The following MSRA variants were observed in gnomAD, a reference collection of about 807,000 sequenced individuals.
The protein encoded by MSRA is mitochondrial peptide methionine sulfoxide reductase.
Under a neutral mutation model 31.3 loss-of-function variants are expected in MSRA, and 54 were observed. That is an observed-to-expected ratio of 1.73 (90% CI 1.39 to 2.17). The LOEUF is 2.17. Ranked by LOEUF, MSRA falls within the 30% of genes most tolerant of loss-of-function variation. The pLI is 0.00. For missense variants in MSRA, 507 were observed against 300.9 expected, an observed-to-expected ratio of 1.69 and a Z score of -5.07; for synonymous variants, 169 against 116.5, an observed-to-expected ratio of 1.45 and a Z score of -2.90.
intron 5 of MSRA, among the ~76,000 whole-genome samples, chr8:10,370,900 C>T (rs949060373): frequency 7.2e-5 from 11 of 152,202 alleles, no homozygotes; most frequent in Admixed American, 2.6e-4. Flanking sequence ...AGAGAAAAGG[C>T]GCCAGCGTTT....
chr8:10,383,297 A>G (rs1211633307), intron 5 of MSRA, among the ~76,000 whole-genome samples: 2 of 152,218 alleles, frequency 1.3e-5, no homozygotes, highest in Non-Finnish European at 1.5e-5. Context: ...TCTGAATGTC[A>G]GCATGCAAAG....
chr8:10,138,271 G>C (rs1563139622), intron 1 of MSRA, among the ~76,000 whole-genome samples: 1 of 152,140 alleles, frequency 6.6e-6, no homozygotes, highest in Non-Finnish European at 1.5e-5. Context: ...TTTCAATAAA[G>C]GTGCTATCTA....
chr8:10,333,948 C>T (rs896500745), intron 5 of MSRA, among the ~76,000 whole-genome samples: 3 of 152,144 alleles, frequency 2.0e-5, no homozygotes, highest in Non-Finnish European at 2.9e-5. Flanking sequence ...AGCATTTTCC[C>T]ATTCTCCAAC....
intron 5 of MSRA, among the ~76,000 whole-genome samples, chr8:10,341,707 G>A (rs554675339): frequency 2.6e-5 from 4 of 152,294 alleles, no homozygotes; most frequent in East Asian, 1.9e-4. Context: ...TCTATAAAAT[G>A]TAGCTAATCA....
intron 1 of MSRA, among the ~76,000 whole-genome samples, chr8:10,178,796 G>A (rs879832128): frequency 2.0e-5 from 3 of 152,186 alleles, no homozygotes; most frequent in Non-Finnish European, 4.4e-5. Context: ...ACTTTGGAAT[G>A]TTTTACTAGA....
chr8:10,319,022 T>A (rs1353950356), intron 4 of MSRA, among the ~76,000 whole-genome samples: 1 of 152,220 alleles, frequency 6.6e-6, no homozygotes, highest in Non-Finnish European at 1.5e-5. Flanking sequence ...CTTTGAGACA[T>A]AGGCCCCTTC....
chr8:10,112,900 CAG>C (rs1321269896), intron 1 of MSRA, among the ~76,000 whole-genome samples: 1 of 152,130 alleles, frequency 6.6e-6, no homozygotes, highest in African/African-American at 2.4e-5. Flanking sequence ...TTCTTTGACT[CAG>C]GGGGTCTGGG....
chr8:10,227,502 C>T (rs1811101543), intron 2 of MSRA, among the ~76,000 whole-genome samples: 1 of 152,142 alleles, frequency 6.6e-6, no homozygotes, highest in Admixed American at 6.5e-5. Flanking sequence ...AGGAAGGTCC[C>T]TTCCAACCTT....
chr8:10,313,530 C>T (rs1801551829), intron 4 of MSRA, among the ~76,000 whole-genome samples: 1 of 151,766 alleles, frequency 6.6e-6, no homozygotes, highest in African/African-American at 2.4e-5. Flanking sequence ...AGTAGTTAGG[C>T]AGCTGGAAGA....
intron 1 of MSRA, among the ~76,000 whole-genome samples, chr8:10,154,961 G>A (rs892168174): frequency 7.5e-6 from 1 of 132,634 alleles, no homozygotes. Flanking sequence ...AAAATTTAAT[G>A]GGAAAGCTAA....
chr8:10,091,339 C>G (rs1798843728), intron 1 of MSRA, among the ~76,000 whole-genome samples: 1 of 152,132 alleles, frequency 6.6e-6, no homozygotes, highest in Admixed American at 6.5e-5. Flanking sequence ...TATAGAATAG[C>G]TAAATCAAGC....
chr8:10,415,951 C>T (rs1344850500), intron 5 of MSRA, among the ~76,000 whole-genome samples: 1 of 152,116 alleles, frequency 6.6e-6, no homozygotes, highest in African/African-American at 2.4e-5. Flanking sequence ...ATCCCCTCTG[C>T]CTCGCGTGGT....
At position 10,089,138 on chromosome 8, in the gene MSRA, C is replaced by CCACA. The variant is rs10566550; in HGVS notation, c.142+34501_142+34504dup. Among the ~76,000 whole-genome samples the CCACA allele has an allele frequency of 3.7e-3, 553 of 150,102 alleles. 6 individuals are homozygous for CCACA. Among genetic ancestry groups the CCACA allele is most frequent in the Middle Eastern group, 0.017 (5 of 294 alleles). ...TAAGTAAATTTTAGCTGCTTTTGTC[C>CCACA]CACACACACACACACACACACACAG... On this transcript the variant is annotated intron_variant, in intron 1 of 5. Transcript: ENST00000317173.
In MSRA at chr8:10,162,953, C is replaced by G. The variant is rs925035477; in HGVS notation, c.143-44880C>G. Among the ~76,000 whole-genome samples the G allele has an allele frequency of 3.3e-5, 5 of 152,264 alleles. No individual in the cohort carries two copies. In the South Asian group the frequency reaches 1.0e-3, roughly 32 times the overall value. ...TTAAAGTTTGCACCTCTCCAAATTC[C>G]TAGGTTGAAATCCTAGCCCACAAAT... On this transcript the variant is annotated intron_variant, in intron 1 of 5. Transcript: ENST00000317173.
At chr8:10,116,199 C>T (rs963395411) in intron 1 of MSRA, among the ~76,000 whole-genome samples, 2 of 152,166 alleles carry the variant, frequency 1.3e-5, no homozygotes, top group Non-Finnish European at 2.9e-5. Context: ...CACATGTGGC[C>T]CAGGATGCCG....
At chr8:10,271,391 G>A (rs902667863) in intron 3 of MSRA, among the ~76,000 whole-genome samples, 2 of 152,136 alleles carry the variant, frequency 1.3e-5, no homozygotes, top group African/African-American at 4.8e-5. Context: ...TCTCAATTAT[G>A]TAACATTTAG....
At chr8:10,103,171 T>G (rs571742717) in intron 1 of MSRA, among the ~76,000 whole-genome samples, 1 of 152,314 alleles carries the variant, frequency 6.6e-6, no homozygotes, top group African/African-American at 2.4e-5. Flanking sequence ...TTTTTTTGGT[T>G]ATTAACATGC....
intron 1 of MSRA, among the ~76,000 whole-genome samples, chr8:10,161,011 CAAAT>C (rs142958959): frequency 0.022 from 3,342 of 152,270 alleles, 114 homozygotes; most frequent in African/African-American, 0.075. Flanking sequence ...ATGTAAATAT[CAAAT>C]GAATAAGGCG....
chr8:10,361,811 C>G (rs956130421), intron 5 of MSRA, among the ~76,000 whole-genome samples: 4 of 152,102 alleles, frequency 2.6e-5, no homozygotes, highest in African/African-American at 9.7e-5. Flanking sequence ...TAAAAAATGT[C>G]TTCCTAACTT....
Sources: gnomAD v4.1 joint callset for allele counts (sites outside exome capture counted in the v4.1 genomes callset) on GRCh38, gnomAD v4.1.1 for gene constraint, MANE v1.5 for transcripts, NCBI Gene and HGNC (gene_info 2026-07-23, HGNC 2026-07-21) for gene names.